The following IL5RA variants were observed in gnomAD, a reference collection of about 807,000 sequenced individuals.
IL5RA encodes interleukin-5 receptor subunit alpha.
Under a neutral mutation model 50.0 loss-of-function variants are expected in IL5RA, and 49 were observed. That is an observed-to-expected ratio of 0.98 (90% CI 0.78 to 1.24). The LOEUF is 1.24. Ranked by LOEUF, IL5RA falls within the 50% of genes most tolerant of loss-of-function variation. The pLI, the probability that IL5RA is intolerant of heterozygous loss-of-function variation, is 0.00. For missense variants in IL5RA, 600 were observed against 500.4 expected (o/e 1.20, Z -1.90); for synonymous variants, 202 against 174.0 (o/e 1.16, Z -1.26).
In IL5RA at chr3:3,068,171, C is replaced by G. The variant is rs1025532853; in HGVS notation, c.*2054G>C. 5 of 152,260 alleles carry G rather than the reference C, an allele frequency of 3.3e-5. No homozygotes were observed. The highest frequency in any genetic ancestry group is 7.3e-5 in the Non-Finnish European group (5 of 68,144). 9.4% of individuals were successfully genotyped at this position (152,260 alleles called of 1,614,324 possible). On this transcript the variant is annotated 3_prime_UTR_variant, in exon 12 of 12. Coordinates refer to ENST00000446632, the MANE Select transcript of IL5RA (RefSeq NM_175726.4). Reference sequence around the variant, plus strand: ...TTGTTAGAAACGCAGCTTTTCAGACCTCACCCAGACCTATTCAGTTAGAGA... The same window carrying G: ...TTGTTAGAAACGCAGCTTTTCAGACGTCACCCAGACCTATTCAGTTAGAGA...
At chr3:3,082,165 A>G (rs1702690377) in intron 9 of IL5RA, among the ~76,000 whole-genome samples, 1 of 152,234 alleles carries the variant, frequency 6.6e-6, no homozygotes, top group Non-Finnish European at 1.5e-5. Flanking sequence ...CACTGAGAGT[A>G]TACATTCTTT....
At chr3:3,104,470 T>G (rs1397625201) in intron 3 of IL5RA, among the ~76,000 whole-genome samples, 1 of 152,232 alleles carries the variant, frequency 6.6e-6, no homozygotes, top group Admixed American at 6.5e-5. Context: ...ATAGTTCTGT[T>G]GACAATGCTA....
intron 8 of IL5RA, among the ~76,000 whole-genome samples, chr3:3,093,958 A>T (rs1251880321): frequency 6.6e-6 from 1 of 152,170 alleles, no homozygotes; most frequent in African/African-American, 2.4e-5. Flanking sequence ...TTTCCTATAA[A>T]ATGGGAATGG....
chr3:3,094,017 C>T (rs1397041360), intron 8 of IL5RA, among the ~76,000 whole-genome samples: 2 of 152,124 alleles, frequency 1.3e-5, no homozygotes, highest in African/African-American at 2.4e-5. Context: ...CATAATAAAG[C>T]TTGACACATA....
intron 9 of IL5RA, among the ~76,000 whole-genome samples, chr3:3,087,848 C>G (rs779957355): frequency 6.6e-6 from 1 of 152,168 alleles, no homozygotes; most frequent in Non-Finnish European, 1.5e-5. Flanking sequence ...AAGAGCCATG[C>G]AAAATGTCCC....
At chr3:3,107,121 CATAA>C (rs775696352) in intron 2 of IL5RA, among the ~76,000 whole-genome samples, 18 of 151,830 alleles carry the variant, frequency 1.2e-4, no homozygotes, top group Admixed American at 3.3e-4. Context: ...AGTTTTTGGC[CATAA>C]ATAAATAGAC....
At chr3:3,106,543 A>G (rs1232114095) in intron 2 of IL5RA, among the ~76,000 whole-genome samples, 2 of 152,106 alleles carry the variant, frequency 1.3e-5, no homozygotes, top group African/African-American at 4.8e-5. Context: ...AGGATTTCAC[A>G]CCATGTAGAA....
rs373063427 is a variant in IL5RA at position 3,085,551 on chromosome 3, T to G, written c.994+6673A>C. 1.1e-4 allele frequency among the ~76,000 whole-genome samples: 17 copies of G among 152,278 alleles called. No individual in the cohort carries two copies. The East Asian group carries it at 2.1e-3, about 19-fold the overall frequency. The stretch of plus-strand genomic sequence containing the variant: ...TTGGAGCTGCGGGACCTTGGCACAA[T>G]GCAGGCAAACTGGAAAATGAAGATG... On this transcript the variant is annotated intron_variant, in intron 9 of 11. Coordinates refer to ENST00000446632, the MANE Select transcript of IL5RA (RefSeq NM_175726.4).
chr3:3,073,273 C>T (rs1702361436), intron 11 of IL5RA, among the ~76,000 whole-genome samples: 1 of 152,208 alleles, frequency 6.6e-6, no homozygotes, highest in Non-Finnish European at 1.5e-5. Context: ...TACAACCAGT[C>T]ACCAGGTGGT....
rs1201179804 is a variant in IL5RA, at chr3:3,067,782, G to A, written c.*2443C>T. On this transcript the variant is annotated 3_prime_UTR_variant, in exon 12 of 12. Coordinates refer to ENST00000446632, the MANE Select transcript of IL5RA (RefSeq NM_175726.4). ...TAACGGTACCAGCTCAGGGAAGTGT[G>A]GCAAGGAGCTCCACAGAGCCCAGGT... 1 of 152,408 alleles carries A rather than the reference G, an allele frequency of 6.6e-6. No homozygotes were observed. Among genetic ancestry groups the A allele is most frequent in the Non-Finnish European group, 1.5e-5 (1 of 68,210 alleles). 9.4% of individuals were successfully genotyped at this position (152,408 alleles called of 1,614,324 possible).
intron 9 of IL5RA, among the ~76,000 whole-genome samples, chr3:3,079,931 G>A (rs1702610074): frequency 6.6e-6 from 1 of 152,100 alleles, no homozygotes. Context: ...CTACTAGGGA[G>A]GCTGAGGCAG....
At chr3:3,106,834 A>G (rs1703946033) in intron 2 of IL5RA, among the ~76,000 whole-genome samples, 1 of 152,184 alleles carries the variant, frequency 6.6e-6, no homozygotes, top group Admixed American at 6.5e-5. Flanking sequence ...TAGGTCAGAA[A>G]AAACTGCAAA....
intron 10 of IL5RA, among the ~76,000 whole-genome samples, chr3:3,076,101 G>T (rs1266561980): frequency 6.6e-6 from 1 of 152,140 alleles, no homozygotes; most frequent in Non-Finnish European, 1.5e-5. Context: ...CCACTCAGGG[G>T]CCTGGTGACT....
intron 11 of IL5RA, chr3:3,073,755 C>A (rs1346460495): frequency 4.4e-6 from 2 of 450,368 alleles, no homozygotes; most frequent in Admixed American, 2.4e-5. Context: ...CAATCTCACC[C>A]CAAATCCCAG....
intron 9 of IL5RA, among the ~76,000 whole-genome samples, chr3:3,083,876 G>A (rs772136762): frequency 5.9e-5 from 9 of 152,028 alleles, no homozygotes; most frequent in Non-Finnish European, 8.8e-5. Flanking sequence ...TGGTGAAAAT[G>A]CTGTCTCTAC....
intron 9 of IL5RA, among the ~76,000 whole-genome samples, chr3:3,081,648 A>C (rs1208081282): frequency 2.6e-5 from 4 of 152,226 alleles, no homozygotes; most frequent in Non-Finnish European, 5.9e-5. Flanking sequence ...CATGATTACA[A>C]AAATCTTTTC....
At chr3:3,102,528 C>T in intron 4 of IL5RA, 147 bp downstream of exon 4, 1 of 567,540 alleles carries the variant, frequency 1.8e-6, no homozygotes, top group Non-Finnish European at 3.1e-6. Flanking sequence ...CACAGGCATT[C>T]TTAGAGAGAC....
intron 5 of IL5RA, among the ~76,000 whole-genome samples, chr3:3,100,091 C>T (rs1703570757): frequency 6.6e-6 from 1 of 152,152 alleles, no homozygotes; most frequent in South Asian, 2.1e-4. Flanking sequence ...CTTTAAAATA[C>T]ACTGTGGGAA....
At chr3:3,106,703 G>A (rs1302370145) in intron 2 of IL5RA, among the ~76,000 whole-genome samples, 1 of 152,020 alleles carries the variant, frequency 6.6e-6, no homozygotes, top group African/African-American at 2.4e-5. Context: ...AATTCCTTAA[G>A]AACAGCAACA....
Sources: allele counts gnomAD v4.1 joint callset (sites outside exome capture counted in the v4.1 genomes callset), GRCh38; gene constraint gnomAD v4.1.1; transcripts MANE v1.5; gene names NCBI Gene and HGNC (gene_info 2026-07-23, HGNC 2026-07-21).